TTC17: variants seen among roughly 807,000 people sequenced by gnomAD.
TTC17 encodes tetratricopeptide repeat domain 17, also known as tetratricopeptide repeat protein 17.
A neutral mutation model predicts 143.8 loss-of-function variants in TTC17; 58 were observed. The ratio of observed to expected loss-of-function variants is 0.40; its 90% CI spans 0.33 to 0.50. The LOEUF (loss-of-function observed/expected upper bound fraction) is 0.50. TTC17 is among the 20% of genes least tolerant of loss of function. TTC17 has a pLI of 0.49. For synonymous variants in TTC17, 501 were observed against 497.8 expected, an observed-to-expected ratio of 1.01 and a Z score of -0.09; for missense variants, 1,273 against 1,392.5, an observed-to-expected ratio of 0.91 and a Z score of 1.37.
intron 16 of TTC17, among the ~76,000 whole-genome samples, chr11:43,433,927 A>G (rs1947218674): frequency 6.6e-6 from 1 of 152,160 alleles, no homozygotes; most frequent in Non-Finnish European, 1.5e-5. Context: ...TGTCTCTGAG[A>G]AGTGTGATGT....
At chr11:43,439,334 G>A (rs1190643704) in intron 16 of TTC17, among the ~76,000 whole-genome samples, 1 of 152,146 alleles carries the variant, frequency 6.6e-6, no homozygotes, top group Non-Finnish European at 1.5e-5. Context: ...CTGTGAATGT[G>A]CTCTGCTTTG....
intron 1 of TTC17, 42 bp downstream of exon 1, chr11:43,359,155 C>T (rs1214236547): frequency 2.6e-6 from 4 of 1,527,274 alleles, no homozygotes; most frequent in Admixed American, 2.1e-5. Flanking sequence ...CCCGCCCTCG[C>T]CCCGGGGGGA....
rs16937508 is a variant in TTC17, at chr11:43,459,663, T to C, written c.3030+8398T>C. On this transcript the variant is annotated intron_variant, in intron 21 of 23. Transcript: ENST00000039989. ...CGTCAGCTAGACACTGGCTTAAATC[T>C]TTCTGAAGTACAGGTGGTCGTCCAC... Among the ~76,000 whole-genome samples the C allele has an allele frequency of 2.4e-3, 366 of 152,360 alleles. 2 individuals are homozygous for C. The highest frequency in any genetic ancestry group is 6.8e-3 in the Middle Eastern group (2 of 294).
intron 8 of TTC17, among the ~76,000 whole-genome samples, 192 bp from the exon 9 acceptor site, chr11:43,399,696 A>G (rs1360341297): frequency 6.6e-6 from 1 of 152,156 alleles, no homozygotes; most frequent in African/African-American, 2.4e-5. Flanking sequence ...AAAAAGTTGT[A>G]TTTAAAGGAA....
intron 2 of TTC17, among the ~76,000 whole-genome samples, chr11:43,387,130 A>C (rs1857198901): frequency 6.6e-6 from 1 of 152,240 alleles, no homozygotes; most frequent in Non-Finnish European, 1.5e-5. Context: ...GGGAAAAAAT[A>C]AGCAAACTTA....
At position 43,390,652 on chromosome 11, in the gene TTC17, AAAAT is replaced by A. The variant is rs1270229996; in HGVS notation, c.420-809_420-806del. 1.4e-3 allele frequency among the ~76,000 whole-genome samples: 207 copies of A among 148,924 alleles called. 2 individuals are homozygous for A. The highest frequency in any genetic ancestry group is 2.0e-3 in the Non-Finnish European group (135 of 67,756). Reference sequence around the variant, plus strand: ...AAAATAAAAAATAAATAAAAATAAAAAAATAAAAATGAAAAATAAAAAAGAGAAA... The same window carrying A: ...AAAATAAAAAATAAATAAAAATAAAAAAAAATGAAAAATAAAAAAGAGAAA... On this transcript the variant is annotated intron_variant, in intron 3 of 23. Coordinates refer to ENST00000039989, the MANE Select transcript of TTC17 (RefSeq NM_018259.6).
At chr11:43,463,985 T>C (rs1186477279) in intron 21 of TTC17, among the ~76,000 whole-genome samples, 8 of 152,216 alleles carry the variant, frequency 5.3e-5, no homozygotes, top group Admixed American at 5.2e-4. Flanking sequence ...GATAAAATTA[T>C]ATCCATTCCA....
At chr11:43,459,146 G>A (rs947337518) in intron 21 of TTC17, among the ~76,000 whole-genome samples, 2 of 152,060 alleles carry the variant, frequency 1.3e-5, no homozygotes, top group South Asian at 4.2e-4. Context: ...ATCCACCCCC[G>A]CACATACAAC....
chr11:43,490,147 A>G, intron 21 of TTC17, 92 bp from the exon 22 acceptor site: 1 of 1,501,518 alleles, frequency 6.7e-7, no homozygotes, highest in Non-Finnish European at 9.0e-7. Flanking sequence ...TACTCAGTTG[A>G]ATGGTCATGA....
chr11:43,462,052 A>G (rs936527174), intron 21 of TTC17, among the ~76,000 whole-genome samples: 10 of 151,710 alleles, frequency 6.6e-5, no homozygotes, highest in African/African-American at 2.2e-4. Flanking sequence ...TACATGGAGG[A>G]AGACTGTGTA....
intron 21 of TTC17, among the ~76,000 whole-genome samples, chr11:43,454,296 A>C (rs1029854299): frequency 1.3e-5 from 2 of 152,088 alleles, no homozygotes; most frequent in African/African-American, 4.8e-5. Flanking sequence ...AATATAGCCC[A>C]AAAAAAGTAT....
Position 43,444,030 on chromosome 11 carries a change from G to T in TTC17, c.2512-26G>T, listed in dbSNP as rs142147158. The T allele has an allele frequency of 1.7e-4, 267 of 1,585,744 alleles. 2 individuals are homozygous for T. In the East Asian group the frequency reaches 5.2e-3, roughly 31 times the overall value. ...ACAGATTTGATCACTGGTCTCATTT[G>T]TCCCTAACATGTTTCTGTTTCCCAG... On this transcript the variant is annotated intron_variant, in intron 17 of 23. Transcript: ENST00000039989.
intron 21 of TTC17, 145 bp downstream of exon 21, chr11:43,451,410 A>G: frequency 3.0e-6 from 2 of 668,156 alleles, no homozygotes; most frequent in Non-Finnish European, 5.2e-6. Flanking sequence ...AACTCCCCTC[A>G]GAATGTTTCA....
At chr11:43,460,544 C>T (rs1213681044) in intron 21 of TTC17, among the ~76,000 whole-genome samples, 1 of 152,164 alleles carries the variant, frequency 6.6e-6, no homozygotes, top group African/African-American at 2.4e-5. Context: ...TGGCAATGCC[C>T]TGTTTAAATA....
chr11:43,428,859 A>G (rs969230222), intron 16 of TTC17, among the ~76,000 whole-genome samples: 4 of 152,194 alleles, frequency 2.6e-5, no homozygotes, highest in Non-Finnish European at 5.9e-5. Flanking sequence ...TTCTGACTTA[A>G]TCACCTCACC....
Position 43,407,469 on chromosome 11 carries a change from A to G in TTC17, c.1956A>G (p.Gln652=), listed in dbSNP as rs150496933. 239 of 1,614,060 alleles carry G rather than the reference A, an allele frequency of 1.5e-4. No homozygotes were observed. In the African/African-American group the frequency reaches 2.9e-3, roughly 20 times the overall value. ...GGGCTTTGAATTTAGCTCCACTTCA[A>G]TACCAAGATGTTCCTCTTGTCAACT... ...LQRALNLAPL[Q]YQDVPLVNLA... Residue 652 remains glutamine, a synonymous_variant, in exon 15 of 24, where the codon CAA becomes CAG. Coordinates refer to ENST00000039989, the MANE Select transcript of TTC17 (RefSeq NM_018259.6).
chr11:43,424,767 A>G (rs962026659), intron 16 of TTC17, among the ~76,000 whole-genome samples: 1 of 152,120 alleles, frequency 6.6e-6, no homozygotes, highest in Non-Finnish European at 1.5e-5. Context: ...CTCCATCTAA[A>G]AAAAGAAACA....
chr11:43,410,053 A>G (rs1458654044), intron 15 of TTC17, among the ~76,000 whole-genome samples: 1 of 151,954 alleles, frequency 6.6e-6, no homozygotes, highest in Non-Finnish European at 1.5e-5. Context: ...TAATAGAAAC[A>G]TGTTGGCCAG....
chr11:43,437,072 T>C (rs565970213), intron 16 of TTC17, among the ~76,000 whole-genome samples: 3 of 152,324 alleles, frequency 2.0e-5, no homozygotes, highest in South Asian at 4.1e-4. Context: ...ATATTTCAGC[T>C]AAGACATTCT....
Sources: allele counts gnomAD v4.1 joint callset (sites outside exome capture counted in the v4.1 genomes callset), GRCh38; gene constraint gnomAD v4.1.1; transcripts MANE v1.5; gene names NCBI Gene and HGNC (gene_info 2026-07-23, HGNC 2026-07-21).